Variants in BCAN observed in about 807,000 individuals in gnomAD.
The protein encoded by BCAN is brevican core protein.
In BCAN, 51 loss-of-function variants were observed where a neutral mutation model predicts 92.4. The ratio of observed to expected loss-of-function variants is 0.55; its 90% confidence interval spans 0.44 to 0.70. The LOEUF (loss-of-function observed/expected upper bound fraction) is 0.70. Among genes scored for constraint, BCAN ranks in the 30% least tolerant of loss-of-function variants. The pLI, the probability that BCAN is intolerant of heterozygous loss-of-function variation, is 0.00. For missense variants in BCAN, 1,140 were observed against 1,212.1 expected (o/e 0.94, Z 0.88); for synonymous variants, 501 against 505.2 (o/e 0.99, Z 0.11).
intron 5 of BCAN, 143 bp from the exon 6 acceptor site, chr1:156,648,425 A>G: frequency 2.1e-6 from 2 of 966,690 alleles, no homozygotes; most frequent in East Asian, 4.9e-5. Flanking sequence ...GGTTCTATTC[A>G]GACTATGATC....
Position 156,649,267 on chromosome 1 carries a change from G to A in BCAN, c.1063+406G>A, listed in dbSNP as rs1276126221. Among the ~76,000 whole-genome samples, 3 of 152,194 alleles carry A rather than the reference G, an allele frequency of 2.0e-5. No homozygotes were observed. In the East Asian group the frequency reaches 5.8e-4, roughly 29 times the overall value. On this transcript the variant is annotated intron_variant, in intron 6 of 13. Transcript: ENST00000329117. ...AAATGCCCTCAGGAGCCCTCTGGAG[G>A]ATTTCCAGAAACTACAGCTTAAGAA...
intron 8 of BCAN, chr1:156,653,599 G>A: frequency 4.2e-6 from 4 of 946,788 alleles, no homozygotes; most frequent in Non-Finnish European, 5.0e-6. Flanking sequence ...GTGTGTCTTG[G>A]CCTCTCTTCC....
At position 156,658,080 on chromosome 1, in the gene BCAN, G is replaced by C. The variant is rs368145123; in HGVS notation, c.2293-47G>C. 33 of 1,597,464 alleles carry C rather than the reference G, an allele frequency of 2.1e-5. No homozygotes were observed. Among genetic ancestry groups the C allele is most frequent in the Middle Eastern group, 1.7e-4 (1 of 5,976 alleles). On this transcript the variant is annotated intron_variant, in intron 11 of 13. Coordinates refer to ENST00000329117, the MANE Select transcript of BCAN (RefSeq NM_021948.5). This position sits in a 1 kb window ranked among gnomAD's most constrained non-coding sequence, Gnocchi z 4.4. ...CCCCAGATCCTCTAGGCCCTCTCCC[G>C]GTGCTCCTGGTGTAGGAGCTCCTCA...
rs1342071780 is a variant in BCAN, at chr1:156,657,007, G to A, written c.2120G>A (p.Arg707Lys). 1 of 1,614,196 alleles carries A rather than the reference G, an allele frequency of 6.2e-7. No individual in the cohort carries two copies. Among genetic ancestry groups the A allele is most frequent in the Non-Finnish European group, 8.5e-7 (1 of 1,180,024 alleles). The change falls in exon 10 of 14, where the codon AGG (arginine) becomes AAG (lysine). Residue 707 changes from arginine (R) to lysine (K), a missense_variant. Arg to Lys is a conservative substitution (Grantham distance 26, BLOSUM62 2). Transcript: ENST00000329117. Reference sequence around the variant, plus strand: ...TGCTACAAGCACTTTTCCACACGAAGGAGCTGGGAGGAGGCAGAGACCCAG... The same window carrying A: ...TGCTACAAGCACTTTTCCACACGAAAGAGCTGGGAGGAGGCAGAGACCCAG... ...GACYKHFSTR[R>K]SWEEAETQCR...
At chr1:156,651,761 T>C in intron 7 of BCAN, 72 bp downstream of exon 7, 7 of 1,359,124 alleles carry the variant, frequency 5.2e-6, no homozygotes, top group Non-Finnish European at 7.1e-6. Context: ...AAGCCCAGGT[T>C]GATGCTAGGG....
At chr1:156,649,761 G>T (rs1679101175) in intron 6 of BCAN, 1 of 414,028 alleles carries the variant, frequency 2.4e-6, no homozygotes, top group Non-Finnish European at 4.7e-6. Flanking sequence ...ACTCTCAGAT[G>T]CAAAAGGCCC....
chr1:156,650,169 T>C (rs1030119961), intron 6 of BCAN, among the ~76,000 whole-genome samples: 12 of 152,014 alleles, frequency 7.9e-5, no homozygotes, highest in African/African-American at 2.9e-4. Context: ...ATAATAGTAA[T>C]AGCTAAAACT....
rs779855534 is a variant in BCAN at position 156,658,358 on chromosome 1, G to A, written c.2437+87G>A. 2.4e-4 allele frequency: 375 copies of A among 1,549,852 alleles called. No individual in the cohort carries two copies. Among genetic ancestry groups the A allele is most frequent in the Non-Finnish European group, 3.2e-4 (363 of 1,140,960 alleles). On this transcript the variant is annotated intron_variant, in intron 12 of 13. Coordinates refer to ENST00000329117, the MANE Select transcript of BCAN (RefSeq NM_021948.5). The surrounding 1 kb of genome is among the most constrained non-coding windows in gnomAD (Gnocchi z 4.4). ...GGACTGATGTTTGTAGACAGAGAGT[G>A]CAAAGCAACATAGAGGAGTCAGAAC...
At chr1:156,655,165 G>T (rs1679290477) in intron 8 of BCAN, among the ~76,000 whole-genome samples, 4 of 152,216 alleles carry the variant, frequency 2.6e-5, no homozygotes, top group Admixed American at 2.6e-4. Context: ...CAGTTGGTCT[G>T]TGGAGCCATC....
intron 2 of BCAN, 69 bp downstream of exon 2, chr1:156,646,214 G>T: frequency 6.7e-7 from 1 of 1,487,846 alleles, no homozygotes. Flanking sequence ...CCAGGCTTAG[G>T]GGCCCCAGGA....
intron 2 of BCAN, among the ~76,000 whole-genome samples, chr1:156,646,348 G>A (rs1190703714): frequency 1.3e-5 from 2 of 152,224 alleles, no homozygotes; most frequent in Non-Finnish European, 2.9e-5. Context: ...GGCACTGGGT[G>A]CAAGGCTTTG....
At chr1:156,653,192 A>G in intron 8 of BCAN, 1 of 1,370,582 alleles carries the variant, frequency 7.3e-7, no homozygotes, top group Non-Finnish European at 9.4e-7. Context: ...CCCACAGAGC[A>G]TCCTCAGGCC....
rs373878479 is a variant in BCAN at position 156,647,099 on chromosome 1, C to G, written c.390C>G (p.Asn130Lys). ...VSLALSELRP[N>K]DSGIYRCEVQ... The stretch of plus-strand genomic sequence containing the variant: ...TGGCGCTGAGCGAGCTGCGCCCCAA[C>G]GACTCAGGTATCTATCGCTGTGAGG... Residue 130 changes from asparagine (N) to lysine (K), a missense_variant, in exon 3 of 14, where the codon AAC (asparagine) becomes AAG (lysine). Coordinates refer to ENST00000329117, the MANE Select transcript of BCAN (RefSeq NM_021948.5). This position sits in a 1 kb window ranked among gnomAD's most constrained non-coding sequence, Gnocchi z 4.8. 6.2e-7 allele frequency: 1 copy of G among 1,606,946 alleles called. No individual in the cohort carries two copies. Among genetic ancestry groups the G allele is most frequent in the African/African-American group, 1.3e-5 (1 of 74,752 alleles).
chr1:156,656,853 G>A (rs1260843010), intron 9 of BCAN, 85 bp from the exon 10 acceptor site: 35 of 1,540,422 alleles, frequency 2.3e-5, no homozygotes, highest in Middle Eastern at 2.4e-4. Flanking sequence ...CTCGGCCTGC[G>A]GTAGTGGAAG....
In BCAN at chr1:156,652,582, C is replaced by T. The variant is rs1393062683; in HGVS notation, c.1632C>T (p.Pro544=). Reference sequence around the variant, plus strand: ...ATGGACCACCTACTGAGACTCTGCCCACTCCCAGGGAGAGGAACCTAGCAT... The same window carrying T: ...ATGGACCACCTACTGAGACTCTGCCTACTCCCAGGGAGAGGAACCTAGCAT... ...RVHGPPTETL[P]TPRERNLASP... is the part of the protein sequence containing the mutation. Residue 544 remains proline, a synonymous_variant, in exon 8 of 14, where the codon CCC becomes CCT. Transcript: ENST00000329117. 6.2e-7 allele frequency: 1 copy of T among 1,614,132 alleles called. No individual in the cohort carries two copies. The highest frequency in any genetic ancestry group is 8.5e-7 in the Non-Finnish European group (1 of 1,179,992).
rs200778116 is a variant in BCAN at position 156,648,084 on chromosome 1, T to G, written c.743T>G (p.Val248Gly). The G allele has an allele frequency of 1.2e-6, 2 of 1,613,818 alleles. No individual in the cohort carries two copies. Among genetic ancestry groups the G allele is most frequent in the Non-Finnish European group, 1.7e-6 (2 of 1,179,828 alleles). The change falls in exon 5 of 14, where the codon GTG becomes GGG. Residue 248 changes from valine (V) to glycine (G), a missense_variant. Val to Gly is a moderately radical substitution (Grantham distance 109). Transcript: ENST00000329117. ...GTGGACCCGGATGACCTCTATGATG[T>G]GTACTGTTATGCTGAAGACCTAAAT... is the stretch of plus-strand genomic sequence containing the variant. ...GVVDPDDLYD[V>G]YCYAEDLNGE... is the part of the protein sequence containing the mutation.
Position 156,647,021 on chromosome 1 carries a change from C to A in BCAN, c.312C>A (p.Tyr104Ter). 1 of 1,612,948 alleles carries A rather than the reference C, an allele frequency of 6.2e-7. No individual in the cohort carries two copies. Among genetic ancestry groups the A allele is most frequent in the Non-Finnish European group, 8.5e-7 (1 of 1,179,478 alleles). The change falls in exon 3 of 14, where the codon TAC (tyrosine) becomes TAA (stop). Residue 104 changes from tyrosine (Y) to a stop codon, truncating the protein, a stop_gained. Transcript: ENST00000329117. LOFTEE classifies it high-confidence loss of function. This position sits in a 1 kb window ranked among gnomAD's most constrained non-coding sequence, Gnocchi z 4.8. ...RGVRVKVNEA[Y>*]RFRVALPAYP... ...TGCGCGTCAAGGTGAACGAGGCCTA[C>A]CGGTTCCGCGTGGCACTGCCTGCGT... is the stretch of plus-strand genomic sequence containing the variant.
In BCAN at chr1:156,642,733, A is replaced by AG. The variant is rs1217442257; in HGVS notation, c.-9+459dup. ...GTAGTCCGGCAGGACAGCCGATCAG[A>AG]GCCGCTCTAGGGGGTGGTCGGAGTG... On this transcript the variant is annotated intron_variant, in intron 1 of 13. Coordinates refer to ENST00000329117, the MANE Select transcript of BCAN (RefSeq NM_021948.5). The surrounding 1 kb of genome is among the most constrained non-coding windows in gnomAD (Gnocchi z 4.2). 6.6e-6 allele frequency: 1 copy of AG among 152,248 alleles called. No homozygotes were observed. Among genetic ancestry groups the AG allele is most frequent in the African/African-American group, 2.4e-5 (1 of 41,450 alleles). The allele number at this position is 152,248 out of a possible 1,614,324, so 9.4% of individuals were successfully genotyped here. A position where few individuals can be genotyped will look rare whatever the true frequency, so the allele number is the denominator to read the frequency against.
In BCAN at chr1:156,646,139, A is replaced by C; in HGVS notation, c.85A>C (p.Ser29Arg). ...TTTAGCAGATGTTCTGGAAGGAGACAGCTCAGGTAAGCAACCCCACTTGGG... is the reference window on the plus strand; with the variant it reads ...TTTAGCAGATGTTCTGGAAGGAGACCGCTCAGGTAAGCAACCCCACTTGGG... ...AALADVLEGD[S>R]SEDRAFRVRI... Residue 29 changes from serine (S) to arginine (R), a missense_variant, in exon 2 of 14, where the codon AGC (serine) becomes CGC (arginine). By Grantham distance (110) the Ser-to-Arg change is moderately radical (BLOSUM62 -1). This residue lies in a region of BCAN where 286 missense variants were observed against 284.1 expected (regional missense o/e 1.01). Transcript: ENST00000329117. The C allele has an allele frequency of 1.2e-6, 2 of 1,613,420 alleles. No homozygotes were observed. The highest frequency in any genetic ancestry group is 1.7e-6 in the Non-Finnish European group (2 of 1,179,450).
Sources: allele counts gnomAD v4.1 joint callset (sites outside exome capture counted in the v4.1 genomes callset), GRCh38; gene constraint gnomAD v4.1.1; regional missense constraint gnomAD v4.1.1; non-coding constraint Gnocchi (gnomAD v3.1); transcripts MANE v1.5; gene names NCBI Gene and HGNC (gene_info 2026-07-23, HGNC 2026-07-21).